CNTN3: variants seen among roughly 807,000 people sequenced by gnomAD.
CNTN3 encodes the protein contactin-3.
Under a neutral mutation model 119.1 loss-of-function variants are expected in CNTN3, and 60 were observed. That is an observed-to-expected ratio of 0.50 (90% CI 0.41 to 0.62). CNTN3 has a LOEUF of 0.62. Among genes scored for constraint, CNTN3 ranks in the 20% least tolerant of loss-of-function variants. CNTN3 has a pLI of 0.00. For synonymous variants in CNTN3, 450 were observed against 438.7 expected (o/e 1.03, Z -0.32); for missense variants, 1,101 against 1,242.4 (o/e 0.89, Z 1.71).
chr3:74,391,017 G>A (rs7614526), intron 5 of CNTN3, among the ~76,000 whole-genome samples: 152,177 of 152,364 alleles, frequency 1, 75,997 homozygotes, highest in Non-Finnish European at 1. Context: ...GTGTCTTACC[G>A]GAGGAATTAA....
chr3:74,591,985 A>G (rs1160590086), intron 1 of CNTN3, among the ~76,000 whole-genome samples: 1 of 151,924 alleles, frequency 6.6e-6, no homozygotes, highest in Admixed American at 6.6e-5. Context: ...GAGGCTCAGA[A>G]AAAATCTACC....
intron 11 of CNTN3, among the ~76,000 whole-genome samples, chr3:74,358,501 T>A (rs1703993611): frequency 1.3e-5 from 2 of 151,450 alleles, no homozygotes; most frequent in Non-Finnish European, 2.9e-5. Context: ...GGCCAGGGAA[T>A]GAATTTCTGA....
intron 1 of CNTN3, among the ~76,000 whole-genome samples, chr3:74,536,370 T>C (rs1204230322): frequency 2.6e-5 from 4 of 152,106 alleles, no homozygotes; most frequent in Non-Finnish European, 5.9e-5. Flanking sequence ...TATTTGTAAC[T>C]ACTAGCAGGA....
intron 1 of CNTN3, among the ~76,000 whole-genome samples, chr3:74,564,960 A>G (rs1704205564): frequency 6.6e-6 from 1 of 152,154 alleles, no homozygotes; most frequent in South Asian, 2.1e-4. Context: ...ACCCAGAGCT[A>G]TGCTACCAAG....
intron 20 of CNTN3, among the ~76,000 whole-genome samples, chr3:74,267,929 T>C (rs1346275317): frequency 1.3e-5 from 2 of 152,152 alleles, no homozygotes; most frequent in Admixed American, 6.6e-5. Context: ...CAGCCTTGTA[T>C]GATAAGATGG....
chr3:74,354,546 GTGAA>G lies in CNTN3; in HGVS notation c.1364+7340_1364+7343del, dbSNP rs561093074. Among the ~76,000 whole-genome samples, 1,014 of 152,108 alleles carry G rather than the reference GTGAA, an allele frequency of 6.7e-3. 18 individuals carry two copies. Among genetic ancestry groups the G allele is most frequent in the African/African-American group, 0.023 (966 of 41,430 alleles). Reference sequence around the variant, plus strand: ...CTCTTTTGGAAATAGGTGGATTTAAGTGAATGAATGAATGAAATAGCACAAAAAC... The same window carrying G: ...CTCTTTTGGAAATAGGTGGATTTAAGTGAATGAATGAAATAGCACAAAAAC... On this transcript the variant is annotated intron_variant, in intron 11 of 22. Transcript: ENST00000263665.
chr3:74,312,378 C>G (rs1288772522), intron 13 of CNTN3, among the ~76,000 whole-genome samples: 2 of 145,370 alleles, frequency 1.4e-5, no homozygotes, highest in East Asian at 2.1e-4. Context: ...ATGGCATGAA[C>G]CCGGGAGGCG....
intron 5 of CNTN3, among the ~76,000 whole-genome samples, chr3:74,416,866 T>C (rs1326848498): frequency 1.3e-5 from 2 of 151,976 alleles, no homozygotes; most frequent in East Asian, 3.9e-4. Context: ...CGTGTGGCTA[T>C]AGTCCCAGCT....
At chr3:74,477,611 T>C (rs1702682232) in intron 4 of CNTN3, among the ~76,000 whole-genome samples, 1 of 151,076 alleles carries the variant, frequency 6.6e-6, no homozygotes, top group African/African-American at 2.4e-5. Context: ...GTTAGGGAGG[T>C]GGAGATGGTT....
chr3:74,588,239 A>C (rs1366186400), intron 1 of CNTN3, among the ~76,000 whole-genome samples: 2 of 152,140 alleles, frequency 1.3e-5, no homozygotes, highest in East Asian at 3.9e-4. Flanking sequence ...CCTTAAGCTG[A>C]TAAGCAACTT....
chr3:74,594,484 C>T (rs1399760427), intron 1 of CNTN3, among the ~76,000 whole-genome samples: 9 of 151,714 alleles, frequency 5.9e-5, no homozygotes, highest in Non-Finnish European at 1.3e-4. Context: ...TGATGTTCCC[C>T]TTCCTGTGTC....
intron 4 of CNTN3, among the ~76,000 whole-genome samples, chr3:74,450,469 A>G (rs1702128653): frequency 6.7e-6 from 1 of 150,160 alleles, no homozygotes; most frequent in Non-Finnish European, 1.5e-5. Flanking sequence ...AACCTAAATG[A>G]TTCTTGAAAG....
At chr3:74,269,273 G>A (rs1701721470) in intron 20 of CNTN3, among the ~76,000 whole-genome samples, 1 of 151,628 alleles carries the variant, frequency 6.6e-6, no homozygotes, top group South Asian at 2.1e-4. Flanking sequence ...TTACATTTTT[G>A]GGCACTCTCT....
At chr3:74,412,550 AT>A (rs1701457008) in intron 5 of CNTN3, among the ~76,000 whole-genome samples, 1 of 152,114 alleles carries the variant, frequency 6.6e-6, no homozygotes, top group Non-Finnish European at 1.5e-5. Flanking sequence ...TGTCTCTCAT[AT>A]TTGTAATCCC....
At chr3:74,341,769 A>G (rs1703554620) in intron 11 of CNTN3, among the ~76,000 whole-genome samples, 2 of 152,172 alleles carry the variant, frequency 1.3e-5, no homozygotes, top group South Asian at 4.1e-4. Flanking sequence ...GTACTTTATG[A>G]TGACATTTAA....
At chr3:74,327,105 CCTTTTTTTTTT>C (rs796636735) in intron 13 of CNTN3, among the ~76,000 whole-genome samples, 5,953 of 91,154 alleles carry the variant, frequency 0.065, 615 homozygotes, top group African/African-American at 0.22. Flanking sequence ...AAGGGTTAAT[CCTTTTTTTTTT>C]TTTTTTTTTT....
intron 20 of CNTN3, among the ~76,000 whole-genome samples, chr3:74,281,241 G>C (rs541417201): frequency 2.0e-5 from 3 of 152,300 alleles, no homozygotes; most frequent in African/African-American, 7.2e-5. Context: ...TGAACAGTGA[G>C]AGGCCATTGC....
chr3:74,588,986 C>T (rs1704649351), intron 1 of CNTN3, among the ~76,000 whole-genome samples: 1 of 151,858 alleles, frequency 6.6e-6, no homozygotes, highest in African/African-American at 2.4e-5. Context: ...AACGTTAGAC[C>T]TAAAACCATA....
intron 4 of CNTN3, among the ~76,000 whole-genome samples, chr3:74,453,750 T>C (rs1575741367): frequency 6.6e-6 from 1 of 151,696 alleles, no homozygotes; most frequent in South Asian, 2.1e-4. Context: ...AACATCTTTA[T>C]TTCTGCCTTC....
Sources: gnomAD v4.1 joint callset for allele counts (sites outside exome capture counted in the v4.1 genomes callset) on GRCh38, gnomAD v4.1.1 for gene constraint, MANE v1.5 for transcripts, NCBI Gene and HGNC (gene_info 2026-07-23, HGNC 2026-07-21) for gene names.